GPATCH1: variants seen among roughly 807,000 people sequenced by gnomAD.
GPATCH1 encodes G patch domain-containing protein 1.
In GPATCH1, 73 loss-of-function variants were observed where a neutral mutation model predicts 114.9. The observed-to-expected ratio is 0.64, with a 90% CI of 0.53 to 0.77. GPATCH1 has a LOEUF of 0.77. GPATCH1 is among the 30% of genes least tolerant of loss of function. The pLI is 0.00. For synonymous variants in GPATCH1, 391 were observed against 428.4 expected (o/e 0.91, Z 1.08); for missense variants, 1,058 against 1,144.3 (o/e 0.92, Z 1.09).
chr19:33,100,061 A>G (rs1158705222), intron 8 of GPATCH1: 4 of 151,702 alleles, frequency 2.6e-5, no homozygotes, highest in Non-Finnish European at 5.9e-5. Flanking sequence ...GTGAGCTACC[A>G]TGGCTGGCCA....
chr19:33,089,661 C>T (rs559832284), intron 2 of GPATCH1, among the ~76,000 whole-genome samples: 11 of 151,300 alleles, frequency 7.3e-5, no homozygotes, highest in Admixed American at 2.6e-4. Context: ...CACTCTGTCG[C>T]CCAGGCTGGA....
chr19:33,112,439 T>A (rs571067548), intron 12 of GPATCH1, 47 bp from the exon 13 acceptor site: 1 of 1,608,390 alleles, frequency 6.2e-7, no homozygotes, highest in Non-Finnish European at 8.5e-7. Context: ...AGCAGTCAGG[T>A]CAGTGGTGCG....
intron 16 of GPATCH1, 74 bp downstream of exon 16, chr19:33,118,115 T>A: frequency 2.2e-6 from 2 of 927,044 alleles, no homozygotes; most frequent in Non-Finnish European, 3.5e-6. Flanking sequence ...CTCTGTTTAC[T>A]CTATAATCTT....
At chr19:33,089,602 T>A (rs1568338155) in intron 2 of GPATCH1, among the ~76,000 whole-genome samples, 1 of 150,112 alleles carries the variant, frequency 6.7e-6, no homozygotes, top group Non-Finnish European at 1.5e-5. Context: ...AAGAAAAAGA[T>A]GGGCTAGATC....
At chr19:33,120,188 A>G (rs187350755) in intron 17 of GPATCH1, among the ~76,000 whole-genome samples, 28,907 of 139,706 alleles carry the variant, frequency 0.21, 4,244 homozygotes, top group African/African-American at 0.4. Context: ...ATATATAAAT[A>G]CATATTAAAA....
chr19:33,093,219 G>C, intron 3 of GPATCH1, 140 bp from the exon 4 acceptor site: 1 of 555,372 alleles, frequency 1.8e-6, no homozygotes, highest in Non-Finnish European at 3.1e-6. Context: ...AATAAAGTCA[G>C]TGTGTATGTC....
At chr19:33,103,909 T>C (rs1241986103) in intron 9 of GPATCH1, among the ~76,000 whole-genome samples, 1 of 152,096 alleles carries the variant, frequency 6.6e-6, no homozygotes, top group African/African-American at 2.4e-5. Context: ...AGTAGGGCTT[T>C]GGGCAGGAAC....
chr19:33,099,644 G>A (rs1414220124), intron 8 of GPATCH1, among the ~76,000 whole-genome samples: 1 of 151,792 alleles, frequency 6.6e-6, no homozygotes, highest in Non-Finnish European at 1.5e-5. Flanking sequence ...TGTCACCCAG[G>A]CTGGAGAGCA....
chr19:33,116,405 T>C (rs576390495), intron 15 of GPATCH1, among the ~76,000 whole-genome samples: 1 of 152,386 alleles, frequency 6.6e-6, no homozygotes, highest in East Asian at 1.9e-4. Flanking sequence ...GCATTTCTTT[T>C]AGACCAGTTC....
intron 13 of GPATCH1, 59 bp from the exon 14 acceptor site, chr19:33,113,708 C>T (rs753441171): frequency 8.1e-5 from 121 of 1,498,608 alleles, no homozygotes; most frequent in Non-Finnish European, 9.8e-5. Flanking sequence ...GAAAGCTTTT[C>T]AGGAGGTGGA....
At chr19:33,104,613 G>A (rs1269765542) in intron 9 of GPATCH1, among the ~76,000 whole-genome samples, 1 of 152,068 alleles carries the variant, frequency 6.6e-6, no homozygotes, top group Non-Finnish European at 1.5e-5. Context: ...GGGAGCTTGG[G>A]GAACTCCAGT....
In GPATCH1 at chr19:33,111,719, C is replaced by T. The variant is rs202191781; in HGVS notation, c.1586-5C>T. On this transcript the variant is annotated splice_polypyrimidine_tract_variant and splice_region_variant and intron_variant, in intron 11 of 19. Transcript: ENST00000170564. ...GAAGCTGCTTCTTGTTCTCTGCCCC[C>T]GCAGATGCTCTGGAACGCTGTCTGG... is the stretch of plus-strand genomic sequence containing the variant. The T allele has an allele frequency of 3.4e-4, 549 of 1,613,022 alleles. No individual in the cohort carries two copies. The highest frequency in any genetic ancestry group is 4.1e-4 in the Non-Finnish European group (485 of 1,179,768).
intron 15 of GPATCH1, 67 bp downstream of exon 15, chr19:33,114,486 C>T (rs1001509434): frequency 1.2e-5 from 15 of 1,273,250 alleles, no homozygotes; most frequent in South Asian, 7.5e-5. Flanking sequence ...TTTGGTGACA[C>T]TTTCTCCTCG....
At chr19:33,085,130 G>C (rs1224765917) in intron 1 of GPATCH1, among the ~76,000 whole-genome samples, 3 of 152,164 alleles carry the variant, frequency 2.0e-5, no homozygotes, top group Non-Finnish European at 4.4e-5. Context: ...GGCTCGGAGT[G>C]TCCTGAGAAC....
chr19:33,090,778 AG>A lies in GPATCH1; in HGVS notation c.209del. ...TAAAGTTCTAAACTCTTTTTTTTTC[AG>A]GATGGACACCCTCTACCTTTGTGTC... On this transcript the variant is annotated splice_acceptor_variant, in intron 2 of 19. Coordinates refer to ENST00000170564, the MANE Select transcript of GPATCH1 (RefSeq NM_018025.3). LOFTEE classifies it high-confidence loss of function. 6.3e-7 allele frequency: 1 copy of A among 1,596,350 alleles called. No individual in the cohort carries two copies. The highest frequency in any genetic ancestry group is 8.6e-7 in the Non-Finnish European group (1 of 1,166,196).
chr19:33,091,411 C>T (rs1972593796), intron 3 of GPATCH1, among the ~76,000 whole-genome samples: 3 of 75,686 alleles, frequency 4.0e-5, no homozygotes, highest in African/African-American at 1.7e-4. Flanking sequence ...AAGACTCCGT[C>T]TCAAAAAAAA....
chr19:33,117,704 A>G, intron 15 of GPATCH1, 121 bp from the exon 16 acceptor site: 1 of 699,712 alleles, frequency 1.4e-6, no homozygotes, highest in Admixed American at 2.3e-5. Flanking sequence ...GTGTGTGGCT[A>G]TGGATACCCA....
intron 19 of GPATCH1, among the ~76,000 whole-genome samples, chr19:33,129,836 C>T (rs1395506768): frequency 4.0e-5 from 6 of 151,746 alleles, no homozygotes; most frequent in Non-Finnish European, 8.8e-5. Flanking sequence ...CCCAGCTACT[C>T]TGGAGGCTGA....
In GPATCH1 at chr19:33,125,188, C is replaced by T. The variant is rs201630160; in HGVS notation, c.2605C>T (p.Arg869Trp). ...GCACAAGGCCAAGAAAGAGCACAGG[C>T]GGAAGAAAGAGAAGGTGAGAGACTT... ...DKHKAKKEHR[R>W]KKEKKKKHRK... Residue 869 changes from arginine (R) to tryptophan (W), a missense_variant, in exon 18 of 20, where the codon CGG (arginine) becomes TGG (tryptophan). Physicochemically the swap from Arg to Trp is moderately radical, Grantham distance 101. Coordinates refer to ENST00000170564, the MANE Select transcript of GPATCH1 (RefSeq NM_018025.3). 3.6e-5 allele frequency: 57 copies of T among 1,593,494 alleles called. No individual in the cohort carries two copies. Among genetic ancestry groups the T allele is most frequent in the African/African-American group, 2.6e-4 (19 of 74,038 alleles).
Sources: allele counts gnomAD v4.1 joint callset (sites outside exome capture counted in the v4.1 genomes callset), GRCh38; gene constraint gnomAD v4.1.1; transcripts MANE v1.5; gene names NCBI Gene and HGNC (gene_info 2026-07-23, HGNC 2026-07-21).